The following GLRA2 variants were observed in gnomAD, a reference collection of about 807,000 sequenced individuals.
The protein encoded by GLRA2 is glycine receptor alpha 2, also known as glycine receptor subunit alpha-2.
A neutral mutation model predicts 31.6 loss-of-function variants in GLRA2; 11 were observed. The observed-to-expected ratio is 0.35, with a 90% CI of 0.22 to 0.58. GLRA2 has a LOEUF of 0.58. Ranked by LOEUF, GLRA2 falls within the 20% of genes least tolerant of loss-of-function variation. GLRA2 has a pLI of 0.84. For missense variants in GLRA2, 212 were observed against 351.8 expected (o/e 0.60, Z 3.18); for synonymous variants, 132 against 134.0 (o/e 0.99, Z 0.10).
At chrX:14,501,824 GT>G in the GLRA2 span, among the ~76,000 whole-genome samples, 1 of 109,166 alleles carries the variant, frequency 9.2e-6, no homozygotes, top group Non-Finnish European at 1.9e-5. Flanking sequence ...CAATAGAAAT[GT>G]TTTTTTTTCT....
Position 14,690,821 on chromosome X carries a change from T to C in GLRA2, c.1042T>C (p.Phe348Leu), listed in dbSNP as rs1313378104. ...VNFVSRQHKEFLRLRRRQKRQ... is the reference protein window; with the variant it reads ...VNFVSRQHKELLRLRRRQKRQ... Reference sequence around the variant, plus strand: ...CTTCGTCTCCAGGCAACACAAGGAGTTCCTGCGCCTCCGAAGAAGACAGAA... The same window carrying C: ...CTTCGTCTCCAGGCAACACAAGGAGCTCCTGCGCCTCCGAAGAAGACAGAA... Residue 348 changes from phenylalanine to leucine, a missense_variant, in exon 8 of 9, where the codon TTC (phenylalanine) becomes CTC (leucine). Phe to Leu is a conservative substitution (Grantham distance 22). This residue lies in a region of GLRA2 where 25 missense variants were observed against 20.8 expected (regional missense o/e 1.20). Transcript: ENST00000218075. The C allele has an allele frequency of 1.7e-6, 2 of 1,206,834 alleles. No homozygotes were observed. Among genetic ancestry groups the C allele is most frequent in the Non-Finnish European group, 2.2e-6 (2 of 891,655 alleles).
At chrX:14,556,664 G>GTT (rs1204635952) in intron 2 of GLRA2, among the ~76,000 whole-genome samples, 1 of 112,006 alleles carries the variant, frequency 8.9e-6, no homozygotes, top group Non-Finnish European at 1.9e-5. Flanking sequence ...AACATAAACT[G>GTT]TTCACTTTAA....
intron 7 of GLRA2, among the ~76,000 whole-genome samples, chrX:14,666,499 G>A (rs943189512): frequency 1.8e-5 from 2 of 111,720 alleles, no homozygotes; most frequent in African/African-American, 6.5e-5. Context: ...TACTATCCAG[G>A]AAGAAGTCAC....
At chrX:14,585,398 A>T (rs1256255874) in intron 4 of GLRA2, among the ~76,000 whole-genome samples, 1 of 111,680 alleles carries the variant, frequency 9.0e-6, no homozygotes, top group African/African-American at 3.3e-5. Context: ...AGTGGCTCTA[A>T]TTTTGCAAAT....
chrX:14,549,252 A>G (rs943896448), intron 2 of GLRA2, among the ~76,000 whole-genome samples: 1 of 111,934 alleles, frequency 8.9e-6, no homozygotes, highest in Non-Finnish European at 1.9e-5. Flanking sequence ...AAAGATGAGT[A>G]TCTCTAGAGG....
At chrX:14,493,571 A>T in the GLRA2 span, among the ~76,000 whole-genome samples, 1 of 105,225 alleles carries the variant, frequency 9.5e-6, no homozygotes, top group Non-Finnish European at 1.9e-5. Context: ...ACATATATAC[A>T]TATATACATA....
intron 2 of GLRA2, among the ~76,000 whole-genome samples, chrX:14,557,102 C>CTTTTTTTTTTTTTT (rs58282642): frequency 2.2e-5 from 1 of 46,357 alleles, no homozygotes; most frequent in African/African-American, 9.6e-5. Flanking sequence ...TAAAGTATTT[C>CTTTTTTTTTTTTTT]TTTTTTTTTT....
At chrX:14,597,643 G>T (rs1168566118) in intron 4 of GLRA2, among the ~76,000 whole-genome samples, 1 of 111,539 alleles carries the variant, frequency 9.0e-6, no homozygotes, top group African/African-American at 3.3e-5. Context: ...CAGGTACAAG[G>T]CAACTAAGGT....
At chrX:14,477,913 TG>T in the GLRA2 span, among the ~76,000 whole-genome samples, 1 of 110,989 alleles carries the variant, frequency 9.0e-6, no homozygotes, top group East Asian at 2.8e-4. Context: ...CAGCCAGACT[TG>T]AAGTTGTGAC....
At chrX:14,642,474 T>C (rs757399602) in intron 7 of GLRA2, among the ~76,000 whole-genome samples, 2 of 111,858 alleles carry the variant, frequency 1.8e-5, no homozygotes, top group African/African-American at 3.2e-5. Flanking sequence ...TGCCTGTCCT[T>C]CTTCTGCTGA....
chrX:14,479,508 C>T, the GLRA2 span, among the ~76,000 whole-genome samples: 1 of 111,050 alleles, frequency 9.0e-6, no homozygotes, highest in Non-Finnish European at 1.9e-5. Flanking sequence ...AGGATAGCAT[C>T]CAATGGTTAG....
chrX:14,660,491 G>A (rs891241986), intron 7 of GLRA2, among the ~76,000 whole-genome samples: 16 of 111,999 alleles, frequency 1.4e-4, no homozygotes, highest in Non-Finnish European at 2.6e-4. Context: ...GGGCCATGGA[G>A]GTTTTTGGAC....
At chrX:14,615,549 A>G (rs1330215826) in intron 7 of GLRA2, among the ~76,000 whole-genome samples, 1 of 110,941 alleles carries the variant, frequency 9.0e-6, no homozygotes, top group African/African-American at 3.3e-5. Context: ...AAGGGAGAGA[A>G]GAGAGGGGGA....
chrX:14,505,347 T>A, the GLRA2 span, among the ~76,000 whole-genome samples: 1 of 111,978 alleles, frequency 8.9e-6, no homozygotes, highest in East Asian at 2.8e-4. Flanking sequence ...CTTCTGGTTT[T>A]TGTGGCACTT....
the GLRA2 span, among the ~76,000 whole-genome samples, chrX:14,485,141 C>T: frequency 2.7e-5 from 3 of 112,101 alleles, no homozygotes; most frequent in African/African-American, 9.7e-5. Flanking sequence ...CACTCTTTCA[C>T]GTACCTTGTT....
In GLRA2 at chrX:14,589,867, A is replaced by G. The variant is rs1483808057; in HGVS notation, c.494+8461A>G. 2.7e-5 allele frequency among the ~76,000 whole-genome samples: 3 copies of G among 109,370 alleles called. No individual in the cohort carries two copies. In the East Asian group the frequency reaches 8.6e-4, roughly 31 times the overall value. The allele number at this position is 109,370 out of a possible 115,157, so 95.0% of individuals were successfully genotyped here. Reference sequence around the variant, plus strand: ...GGTCCTTATCTTTATTAAAGAAGCTATGACCCTCCAACTGTTAAGAGCTTG... The same window carrying G: ...GGTCCTTATCTTTATTAAAGAAGCTGTGACCCTCCAACTGTTAAGAGCTTG... On this transcript the variant is annotated intron_variant, in intron 4 of 8. Transcript: ENST00000218075.
intron 4 of GLRA2, among the ~76,000 whole-genome samples, chrX:14,596,063 T>C (rs1187721601): frequency 8.1e-5 from 9 of 111,431 alleles, no homozygotes; most frequent in African/African-American, 2.6e-4. Flanking sequence ...AGAGCTAGTC[T>C]TCCCATGTAC....
chrX:14,556,905 G>C lies in GLRA2; in HGVS notation c.203-17428G>C, dbSNP rs1391243006. On this transcript the variant is annotated intron_variant, in intron 2 of 8. Coordinates refer to ENST00000218075, the MANE Select transcript of GLRA2 (RefSeq NM_002063.4). ...TTTACCATCTACTTGTAGGTCATAA[G>C]TAGTAGAAGACCAAGTATATACTAG... is the stretch of plus-strand genomic sequence containing the variant. Among the ~76,000 whole-genome samples the C allele has an allele frequency of 2.7e-5, 3 of 110,750 alleles. No homozygotes were observed. The East Asian group carries it at 8.5e-4, about 31-fold the overall frequency.
intron 7 of GLRA2, among the ~76,000 whole-genome samples, chrX:14,688,720 A>T (rs1169712001): frequency 4.5e-5 from 5 of 110,516 alleles, no homozygotes; most frequent in African/African-American, 1.6e-4. Flanking sequence ...TTGGCTAGGA[A>T]AGGGAATTCC....
Sources: allele counts gnomAD v4.1 joint callset (sites outside exome capture counted in the v4.1 genomes callset), GRCh38; gene constraint gnomAD v4.1.1; regional missense constraint gnomAD v4.1.1; transcripts MANE v1.5; gene names NCBI Gene and HGNC (gene_info 2026-07-23, HGNC 2026-07-21).